The following PER3 variants were observed in gnomAD, a reference collection of about 807,000 sequenced individuals.
The protein encoded by PER3 is period circadian protein homolog 3.
In PER3, 107 loss-of-function variants were observed where a neutral mutation model predicts 127.2. The ratio of observed to expected loss-of-function variants is 0.84; its 90% CI spans 0.72 to 0.99. The LOEUF (loss-of-function observed/expected upper bound fraction) is 0.99, where lower values mean the gene tolerates loss of function less well. PER3 is among the 50% of genes least tolerant of loss of function. PER3 has a pLI of 0.00. For missense variants in PER3, 1,560 were observed against 1,525.8 expected, an observed-to-expected ratio of 1.02 and a Z score of -0.37; for synonymous variants, 618 against 585.8, an observed-to-expected ratio of 1.05 and a Z score of -0.79.
At chr1:7,796,443 C>T (rs1185220778) in intron 6 of PER3, among the ~76,000 whole-genome samples, 2 of 151,538 alleles carry the variant, frequency 1.3e-5, no homozygotes, top group South Asian at 2.1e-4. Flanking sequence ...CTCAGCCTCC[C>T]AAGTAGCTGG....
chr1:7,841,975 GC>G (rs2151340632), intron 21 of PER3, among the ~76,000 whole-genome samples: 2 of 152,240 alleles, frequency 1.3e-5, no homozygotes, highest in South Asian at 4.2e-4. Flanking sequence ...TCACTCCTAG[GC>G]CCTATGGGAC....
chr1:7,844,042 T>C lies in PER3; in HGVS notation c.*1287T>C, dbSNP rs1160650851. On this transcript the variant is annotated 3_prime_UTR_variant, in exon 22 of 22. Coordinates refer to ENST00000377532, the MANE Select transcript of PER3 (RefSeq NM_001377275.1). ...TGCAACAAACTAATTTATTTTTTTT[T>C]CCTTTTTTTGTTTTTGGTTTTTTAT... The C allele has an allele frequency of 4.8e-6, 5 of 1,048,642 alleles. No individual in the cohort carries two copies. In the African/African-American group the frequency reaches 5.2e-5, roughly 11 times the overall value. 65.0% of individuals were successfully genotyped at this position (1,048,642 alleles called of 1,614,324 possible). A position where few individuals can be genotyped will look rare whatever the true frequency, so the allele number is the denominator to read the frequency against.
chr1:7,784,640 T>A lies in PER3; in HGVS notation c.-224-14T>A. ...TTCCATTTGTCCCTTGTCACCCTTG[T>A]CTCCTCCCCCTAGGCCGGAGTCCTG... On this transcript the variant is annotated splice_polypyrimidine_tract_variant and intron_variant, in intron 1 of 21. Coordinates refer to ENST00000377532, the MANE Select transcript of PER3 (RefSeq NM_001377275.1). The A allele has an allele frequency of 2.4e-6, 1 of 417,284 alleles. No individual in the cohort carries two copies. The highest frequency in any genetic ancestry group is 4.2e-6 in the Non-Finnish European group (1 of 237,106). The allele number at this position is 417,284 out of a possible 1,614,324, so 25.8% of individuals were successfully genotyped here. A position where few individuals can be genotyped will look rare whatever the true frequency, so the allele number is the denominator to read the frequency against.
intron 6 of PER3, 61 bp from the exon 7 acceptor site, chr1:7,798,464 T>C: frequency 3.1e-6 from 4 of 1,300,962 alleles, no homozygotes; most frequent in Admixed American, 2.3e-5. Flanking sequence ...CTCCCAGCCT[T>C]GTTTCGCCAT....
chr1:7,840,133 TTC>T (rs1328198295), intron 21 of PER3, among the ~76,000 whole-genome samples: 1 of 152,160 alleles, frequency 6.6e-6, no homozygotes, highest in Non-Finnish European at 1.5e-5. Flanking sequence ...CGTGTATTCT[TTC>T]TTCTGCCTGC....
chr1:7,807,751 G>A (rs2097201172), intron 10 of PER3, among the ~76,000 whole-genome samples: 1 of 152,176 alleles, frequency 6.6e-6, no homozygotes, highest in Non-Finnish European at 1.5e-5. Flanking sequence ...GTACCCACAG[G>A]CAGTACAGTG....
intron 13 of PER3, among the ~76,000 whole-genome samples, chr1:7,818,675 G>A (rs528964445): frequency 6.6e-6 from 1 of 152,316 alleles, no homozygotes; most frequent in African/African-American, 2.4e-5. Flanking sequence ...CTTGCCACAT[G>A]TGGCAATTTA....
intron 21 of PER3, among the ~76,000 whole-genome samples, chr1:7,841,459 G>A (rs974689514): frequency 6.6e-6 from 1 of 152,136 alleles, no homozygotes; most frequent in African/African-American, 2.4e-5. Context: ...GGCTGCTCCA[G>A]GAATACGTGC....
intron 4 of PER3, 33 bp downstream of exon 4, chr1:7,786,869 G>T: frequency 7.8e-7 from 1 of 1,281,324 alleles, no homozygotes; most frequent in Non-Finnish European, 1.1e-6. Flanking sequence ...ATATCAACCT[G>T]GGTGACTTTT....
At chr1:7,819,995 T>C in intron 14 of PER3, 120 bp from the exon 15 acceptor site, 1 of 996,178 alleles carries the variant, frequency 1.0e-6, no homozygotes, top group South Asian at 1.6e-5. Context: ...CAGGGAAGAC[T>C]TTATCAAAGA....
At position 7,830,153 on chromosome 1, in the gene PER3, C is replaced by T; in HGVS notation, c.3206C>T (p.Ala1069Val). The change falls in exon 19 of 22, where the codon GCA becomes GTA. Residue 1069 changes from alanine to valine, a missense_variant. By Grantham distance (64) the Ala-to-Val change is moderately conservative (BLOSUM62 0). This residue lies in a region of PER3 where 199 missense variants were observed against 198.6 expected (regional missense o/e 1.00). Coordinates refer to ENST00000377532, the MANE Select transcript of PER3 (RefSeq NM_001377275.1). ...PSESPSRTGS[A>V]ASGSSDSSIY... ...GAATCCCCATCCAGAACTGGTTCAG[C>T]AGCATCAGGTAGTGGATCAGGACAA... 2 of 1,613,554 alleles carry T rather than the reference C, an allele frequency of 1.2e-6. No individual in the cohort carries two copies. Among genetic ancestry groups the T allele is most frequent in the Non-Finnish European group, 8.5e-7 (1 of 1,179,484 alleles).
At chr1:7,791,010 A>G (rs1231722903) in intron 5 of PER3, among the ~76,000 whole-genome samples, 1 of 152,064 alleles carries the variant, frequency 6.6e-6, no homozygotes, top group Non-Finnish European at 1.5e-5. Flanking sequence ...GCTGGCATTG[A>G]GTGTCTGTGG....
intron 10 of PER3, among the ~76,000 whole-genome samples, chr1:7,806,731 C>T (rs1242234126): frequency 2.0e-5 from 3 of 146,350 alleles, no homozygotes; most frequent in Admixed American, 7.0e-5. Context: ...GTGTTCAAGG[C>T]AGTAGTGAGC....
intron 4 of PER3, chr1:7,787,316 C>CGA (rs1216763477): frequency 4.5e-6 from 1 of 224,588 alleles, no homozygotes; most frequent in African/African-American, 2.4e-5. Flanking sequence ...TTTAATCTCT[C>CGA]TTCTTGTTTG....
At chr1:7,812,106 C>T (rs924791202) in intron 13 of PER3, among the ~76,000 whole-genome samples, 2 of 152,092 alleles carry the variant, frequency 1.3e-5, no homozygotes, top group African/African-American at 4.8e-5. Flanking sequence ...TTGTCTGGTC[C>T]TGCTAGTCCT....
chr1:7,820,312 T>C lies in PER3; in HGVS notation c.1783+73T>C, dbSNP rs72855237. On this transcript the variant is annotated intron_variant, in intron 15 of 21. Coordinates refer to ENST00000377532, the MANE Select transcript of PER3 (RefSeq NM_001377275.1). ...TCCTTCTTGTTTCTCTTTAATGTCT[T>C]ATATTGTTATAAGCATAAAATTCTG... is the stretch of plus-strand genomic sequence containing the variant. 8,141 of 1,506,784 alleles carry C rather than the reference T, an allele frequency of 5.4e-3. 379 individuals carry two copies. The African/African-American group carries it at 0.1, about 19-fold the overall frequency. The allele number at this position is 1,506,784 out of a possible 1,614,324, so 93.3% of individuals were successfully genotyped here.
At chr1:7,798,343 G>T (rs2097155015) in intron 6 of PER3, among the ~76,000 whole-genome samples, 182 bp from the exon 7 acceptor site, 2 of 152,134 alleles carry the variant, frequency 1.3e-5, no homozygotes, top group Non-Finnish European at 2.9e-5. Flanking sequence ...CCTCTTACTC[G>T]TTGAATAATA....
At chr1:7,788,907 GAAA>G (rs56279930) in intron 5 of PER3, among the ~76,000 whole-genome samples, 6 of 141,728 alleles carry the variant, frequency 4.2e-5, no homozygotes, top group African/African-American at 1.6e-4. Context: ...TGTTTCTGGG[GAAA>G]AAAAAAAAAA....
At chr1:7,787,067 G>A (rs1453807292) in intron 4 of PER3, 12 of 433,354 alleles carry the variant, frequency 2.8e-5, no homozygotes, top group Non-Finnish European at 4.5e-5. Flanking sequence ...CTTTGGTTAT[G>A]AGGTGCTTCT....
Sources: allele counts gnomAD v4.1 joint callset (sites outside exome capture counted in the v4.1 genomes callset), GRCh38; gene constraint gnomAD v4.1.1; regional missense constraint gnomAD v4.1.1; transcripts MANE v1.5; gene names NCBI Gene and HGNC (gene_info 2026-07-23, HGNC 2026-07-21).